RNF152: variants seen among roughly 807,000 people sequenced by gnomAD.
The protein encoded by RNF152 is ring finger protein 152.
A neutral mutation model predicts 12.7 loss-of-function variants in RNF152; 11 were observed. The observed-to-expected ratio is 0.86, with a 90% confidence interval of 0.54 to 1.43. The LOEUF (loss-of-function observed/expected upper bound fraction) is 1.43, where lower values mean the gene tolerates loss of function less well. Among genes scored for constraint, RNF152 ranks in the 40% most tolerant of loss-of-function variants. The pLI is 0.00. For synonymous variants in RNF152, 113 were observed against 120.3 expected (o/e 0.94, Z 0.40); for missense variants, 255 against 274.8 (o/e 0.93, Z 0.51).
chr18:61,852,946 T>A (rs1911052932), intron 1 of RNF152, among the ~76,000 whole-genome samples: 1 of 152,206 alleles, frequency 6.6e-6, no homozygotes, highest in African/African-American at 2.4e-5. Context: ...GCCCTTTTTA[T>A]TGTTCTCCTG....
chr18:61,822,493 G>C (rs1284919394), intron 1 of RNF152, among the ~76,000 whole-genome samples: 1 of 152,146 alleles, frequency 6.6e-6, no homozygotes, highest in Non-Finnish European at 1.5e-5. Context: ...GTGTGACAAA[G>C]TGCGCGCATT....
intron 1 of RNF152, among the ~76,000 whole-genome samples, chr18:61,836,539 G>A (rs964158851): frequency 2.6e-5 from 4 of 152,064 alleles, no homozygotes; most frequent in Admixed American, 6.6e-5. Flanking sequence ...GCAAGAAAGC[G>A]GCTCTCTGCA....
At chr18:61,837,184 G>A (rs1460546162) in intron 1 of RNF152, among the ~76,000 whole-genome samples, 1 of 152,130 alleles carries the variant, frequency 6.6e-6, no homozygotes, top group Non-Finnish European at 1.5e-5. Flanking sequence ...ACTAGTACTG[G>A]CTCCTCAAAA....
chr18:61,817,867 T>C (rs1234270071), intron 1 of RNF152, among the ~76,000 whole-genome samples: 6 of 152,110 alleles, frequency 3.9e-5, no homozygotes, highest in Admixed American at 6.6e-5. Context: ...GCTGCCTGAC[T>C]CAGTTTCCCA....
At chr18:61,887,341 G>C (rs1336029528) in intron 1 of RNF152, among the ~76,000 whole-genome samples, 1 of 152,210 alleles carries the variant, frequency 6.6e-6, no homozygotes, top group Non-Finnish European at 1.5e-5. Flanking sequence ...ATAGCCCAGA[G>C]AGAAACAAGG....
rs1912807999 is a variant in RNF152, at chr18:61,808,624, C to T, written c.*7228G>A. The T allele has an allele frequency of 6.6e-6, 1 of 152,076 alleles. No individual in the cohort carries two copies. Among genetic ancestry groups the T allele is most frequent in the Admixed American group, 6.5e-5 (1 of 15,276 alleles). The allele number at this position is 152,076 out of a possible 1,614,324, so 9.4% of individuals were successfully genotyped here. On this transcript the variant is annotated 3_prime_UTR_variant, in exon 2 of 2. Transcript: ENST00000312828. Reference sequence around the variant, plus strand: ...AGTTTGTAACAGCCCCAAGCTGAAACCAGCTTCTACACCCATGACTGTTGA... The same window carrying T: ...AGTTTGTAACAGCCCCAAGCTGAAATCAGCTTCTACACCCATGACTGTTGA...
rs191380772 is a variant in RNF152, at chr18:61,833,405, T to C, written c.-135-16807A>G. ...GTAGCAAAGCCTCAAAGAATCCAAA[T>C]TTCAGGTGATTCACAATGCCCCACT... is the stretch of plus-strand genomic sequence containing the variant. On this transcript the variant is annotated intron_variant, in intron 1 of 1. Coordinates refer to ENST00000312828, the MANE Select transcript of RNF152 (RefSeq NM_173557.3). Among the ~76,000 whole-genome samples the C allele has an allele frequency of 4.6e-5, 7 of 152,302 alleles. No homozygotes were observed. In the East Asian group the frequency reaches 9.7e-4, roughly 21 times the overall value.
intron 1 of RNF152, among the ~76,000 whole-genome samples, chr18:61,859,252 G>T (rs921001723): frequency 1.3e-5 from 2 of 152,114 alleles, no homozygotes; most frequent in African/African-American, 4.8e-5. Flanking sequence ...CTTCCCACGG[G>T]TACCATCAAA....
chr18:61,846,844 TTG>T (rs1306306933), intron 1 of RNF152, among the ~76,000 whole-genome samples: 1 of 152,170 alleles, frequency 6.6e-6, no homozygotes, highest in Non-Finnish European at 1.5e-5. Flanking sequence ...AGAGAAAGCT[TTG>T]CTTGAGCTAT....
intron 1 of RNF152, among the ~76,000 whole-genome samples, chr18:61,848,420 GA>G (rs1167084052): frequency 1.3e-5 from 2 of 151,172 alleles, no homozygotes; most frequent in East Asian, 1.9e-4. Flanking sequence ...TATAATCAAA[GA>G]AAAAAAAATC....
At chr18:61,839,563 T>C (rs1254809712) in intron 1 of RNF152, among the ~76,000 whole-genome samples, 2 of 152,178 alleles carry the variant, frequency 1.3e-5, no homozygotes, top group Non-Finnish European at 2.9e-5. Flanking sequence ...TTTGATCACC[T>C]GTCCCTCCTT....
At position 61,816,607 on chromosome 18, in the gene RNF152, G is replaced by T; in HGVS notation, c.-135-9C>A. On this transcript the variant is annotated splice_polypyrimidine_tract_variant and intron_variant, in intron 1 of 1. Coordinates refer to ENST00000312828, the MANE Select transcript of RNF152 (RefSeq NM_173557.3). ...CACAGGTGTGTTCATTTCTGAGAGA[G>T]ACAAATAATGCAAACAATCTTAATT... 1 of 765,168 alleles carries T rather than the reference G, an allele frequency of 1.3e-6. No individual in the cohort carries two copies. Among genetic ancestry groups the T allele is most frequent in the Non-Finnish European group, 2.1e-6 (1 of 467,010 alleles). 47.4% of individuals were successfully genotyped at this position (765,168 alleles called of 1,614,324 possible).
intron 1 of RNF152, among the ~76,000 whole-genome samples, chr18:61,853,522 C>T (rs977060625): frequency 2.6e-5 from 4 of 152,062 alleles, no homozygotes; most frequent in African/African-American, 9.7e-5. Context: ...GAACTCCTGA[C>T]CTCAGGTGAT....
At chr18:61,882,645 A>T (rs1912511822) in intron 1 of RNF152, among the ~76,000 whole-genome samples, 1 of 152,228 alleles carries the variant, frequency 6.6e-6, no homozygotes, top group Non-Finnish European at 1.5e-5. Context: ...TAAGGGCCTT[A>T]TCAGTCTCCA....
Position 61,860,727 on chromosome 18 carries a change from G to C in RNF152, c.-136+32068C>G, listed in dbSNP as rs1911435969. 1.3e-5 allele frequency among the ~76,000 whole-genome samples: 2 copies of C among 152,176 alleles called. 1 individual carries two copies. On this transcript the variant is annotated intron_variant, in intron 1 of 1. Coordinates refer to ENST00000312828, the MANE Select transcript of RNF152 (RefSeq NM_173557.3). ...TAAAATGCCCCAGGCAAGTGGTTCA[G>C]GAGGTATCCAGAAGAAGGCACTGCT...
intron 1 of RNF152, among the ~76,000 whole-genome samples, chr18:61,885,228 A>T (rs552562539): frequency 2.6e-5 from 4 of 152,278 alleles, no homozygotes; most frequent in Admixed American, 1.3e-4. Context: ...GAACAACACA[A>T]CTGCAAAAGA....
chr18:61,847,271 G>A (rs1229244014), intron 1 of RNF152, among the ~76,000 whole-genome samples: 1 of 152,182 alleles, frequency 6.6e-6, no homozygotes, highest in Admixed American at 6.5e-5. Context: ...TAACATACAA[G>A]CAAATTGGGG....
chr18:61,867,596 G>A (rs115468669), intron 1 of RNF152, among the ~76,000 whole-genome samples: 4,843 of 152,120 alleles, frequency 0.032, 266 homozygotes, highest in African/African-American at 0.11. Flanking sequence ...TTTAAGGAGG[G>A]AGAGCACCCA....
chr18:61,844,228 AGAC>A, intron 1 of RNF152, among the ~76,000 whole-genome samples: 4 of 127,920 alleles, frequency 3.1e-5, no homozygotes, highest in East Asian at 2.7e-4. Context: ...GGAAGGAGGG[AGAC>A]GGGAGGGGAG....
Sources: allele counts gnomAD v4.1 joint callset (sites outside exome capture counted in the v4.1 genomes callset), GRCh38; gene constraint gnomAD v4.1.1; transcripts MANE v1.5; gene names NCBI Gene and HGNC (gene_info 2026-07-23, HGNC 2026-07-21).